The following CYP2S1 variants were observed in gnomAD, a reference collection of about 807,000 sequenced individuals.
CYP2S1 encodes cytochrome P450 2S1.
Under a neutral mutation model 43.5 loss-of-function variants are expected in CYP2S1, and 32 were observed. The ratio of observed to expected loss-of-function variants is 0.74; its 90% CI spans 0.56 to 0.99. The LOEUF is 0.99. Among genes scored for constraint, CYP2S1 ranks in the 50% least tolerant of loss-of-function variants. CYP2S1 has a pLI of 0.00. For synonymous variants in CYP2S1, 283 were observed against 302.9 expected (o/e 0.93, Z 0.68); for missense variants, 575 against 673.9 (o/e 0.85, Z 1.62).
rs74969383 is a variant in CYP2S1 at position 41,206,115 on chromosome 19, C to T, written c.1306+16C>T. 4,576 of 1,613,006 alleles carry T rather than the reference C, an allele frequency of 2.8e-3. 107 individuals carry two copies. The African/African-American group carries it at 0.053, about 19-fold the overall frequency. On this transcript the variant is annotated intron_variant, in intron 8 of 8. Transcript: ENST00000310054. Reference sequence around the variant, plus strand: ...TTCTCCTTAGGTATCTGCTGCAGCCCTGGGTATCACAAGCAGGTGCTGGCG... The same window carrying T: ...TTCTCCTTAGGTATCTGCTGCAGCCTTGGGTATCACAAGCAGGTGCTGGCG...
In CYP2S1 at chr19:41,206,624, C is replaced by T; in HGVS notation, c.*136C>T. ...CACGCCTGCAGTTGTTTTCCGGAGT[C>T]TGTCCCACGGCCCACACGCTCACTT... On this transcript the variant is annotated 3_prime_UTR_variant, in exon 9 of 9. Coordinates refer to ENST00000310054, the MANE Select transcript of CYP2S1 (RefSeq NM_030622.8). The T allele has an allele frequency of 8.9e-7, 1 of 1,117,714 alleles. No individual in the cohort carries two copies. Among genetic ancestry groups the T allele is most frequent in the Non-Finnish European group, 1.4e-6 (1 of 738,738 alleles). The allele number at this position is 1,117,714 out of a possible 1,614,324, so 69.2% of individuals were successfully genotyped here.
chr19:41,202,492 T>A (rs1320408841), intron 6 of CYP2S1, among the ~76,000 whole-genome samples: 1 of 151,904 alleles, frequency 6.6e-6, no homozygotes, highest in Non-Finnish European at 1.5e-5. Flanking sequence ...CTATGGGAAT[T>A]AAGAAAGTAT....
chr19:41,196,136 G>A (rs957164455), intron 2 of CYP2S1, among the ~76,000 whole-genome samples: 3 of 152,100 alleles, frequency 2.0e-5, no homozygotes, highest in Admixed American at 6.5e-5. Flanking sequence ...TGACATTTAA[G>A]CCGGGACATG....
intron 7 of CYP2S1, among the ~76,000 whole-genome samples, chr19:41,204,503 A>T (rs1294345520): frequency 6.6e-6 from 1 of 151,914 alleles, no homozygotes; most frequent in African/African-American, 2.4e-5. Context: ...TTATGCAAGC[A>T]GCTCCCTCCT....
At chr19:41,195,416 C>T (rs2033398909) in intron 2 of CYP2S1, among the ~76,000 whole-genome samples, 1 of 152,110 alleles carries the variant, frequency 6.6e-6, no homozygotes, top group South Asian at 2.1e-4. Flanking sequence ...GTGCTGCTTC[C>T]CCAGCGCACC....
At position 41,202,303 on chromosome 19, in the gene CYP2S1, C is replaced by T. The variant is rs548059542; in HGVS notation, c.976+931C>T. On this transcript the variant is annotated intron_variant, in intron 6 of 8. Coordinates refer to ENST00000310054, the MANE Select transcript of CYP2S1 (RefSeq NM_030622.8). Reference sequence around the variant, plus strand: ...GCACCCAGCCCAACTCTAGCATTTTCGGGTCAGGCAGCTGCTGTGGGCCAT... The same window carrying T: ...GCACCCAGCCCAACTCTAGCATTTTTGGGTCAGGCAGCTGCTGTGGGCCAT... 5.9e-4 allele frequency among the ~76,000 whole-genome samples: 90 copies of T among 152,132 alleles called. 1 individual carries two copies. The highest frequency in any genetic ancestry group is 2.1e-3 in the African/African-American group (86 of 41,550).
intron 5 of CYP2S1, among the ~76,000 whole-genome samples, 186 bp downstream of exon 5, chr19:41,199,074 G>T (rs1801154547): frequency 6.6e-6 from 1 of 152,064 alleles, no homozygotes; most frequent in Non-Finnish European, 1.5e-5. Flanking sequence ...GTCCCTTTCA[G>T]GGCGTTGCTC....
chr19:41,198,432 A>G lies in CYP2S1; in HGVS notation c.494-30A>G, dbSNP rs764881934. The G allele has an allele frequency of 8.1e-6, 13 of 1,609,350 alleles. No homozygotes were observed. In the East Asian group the frequency reaches 2.7e-4, roughly 33 times the overall value. On this transcript the variant is annotated intron_variant, in intron 3 of 8. Transcript: ENST00000310054. The surrounding 1 kb of genome is among the most constrained non-coding windows in gnomAD (Gnocchi z 4.9). Reference sequence around the variant, plus strand: ...GCTCCCCTCTGCCTGGCTCCATCACAGCCTACCTCCCTGCCCCCATTCCCC... The same window carrying G: ...GCTCCCCTCTGCCTGGCTCCATCACGGCCTACCTCCCTGCCCCCATTCCCC...
chr19:41,198,825 G>T lies in CYP2S1; in HGVS notation c.771G>T (p.Gly257=). 6.8e-6 allele frequency: 11 copies of T among 1,614,196 alleles called. No individual in the cohort carries two copies. The highest frequency in any genetic ancestry group is 7.6e-6 in the Non-Finnish European group (9 of 1,180,038). The part of the protein sequence containing the change: ...FTVRQVQQHQ[G]NLDASGPARD... ...TCCGGCAGGTGCAGCAGCACCAGGG[G>T]AACCTGGATGCTTCGGGCCCCGCAC... Residue 257 remains glycine (G), a synonymous_variant, in exon 5 of 9, where the codon GGG becomes GGT. Transcript: ENST00000310054. The surrounding 1 kb of genome is among the most constrained non-coding windows in gnomAD (Gnocchi z 4.9).
chr19:41,198,374 C>T lies in CYP2S1; in HGVS notation c.494-88C>T, dbSNP rs559114133. The T allele has an allele frequency of 1.2e-5, 19 of 1,534,518 alleles. No homozygotes were observed. The South Asian group carries it at 1.7e-4, about 14-fold the overall frequency. On this transcript the variant is annotated intron_variant, in intron 3 of 8. Transcript: ENST00000310054. This position sits in a 1 kb window ranked among gnomAD's most constrained non-coding sequence, Gnocchi z 4.9. The stretch of plus-strand genomic sequence containing the variant: ...TGTCCATCCATCTTTCCCTGCCTCC[C>T]TGTCTCTCTCTGGTTGGGTTCAGCT...
chr19:41,199,717 G>T (rs1423359113), intron 5 of CYP2S1, among the ~76,000 whole-genome samples: 1 of 151,910 alleles, frequency 6.6e-6, no homozygotes, highest in Non-Finnish European at 1.5e-5. Flanking sequence ...GTAATCTCAG[G>T]ACTTTGGGAG....
chr19:41,203,357 C>G, intron 6 of CYP2S1, 93 bp from the exon 7 acceptor site: 3 of 1,394,524 alleles, frequency 2.2e-6, no homozygotes, highest in South Asian at 3.2e-5. Context: ...GTCAGCCTCA[C>G]CCCAAACTAC....
chr19:41,194,157 C>T (rs2033378994), intron 1 of CYP2S1, among the ~76,000 whole-genome samples: 1 of 151,982 alleles, frequency 6.6e-6, no homozygotes, highest in African/African-American at 2.4e-5. Context: ...GGCGGATACT[C>T]AGCAGTGTCT....
intron 7 of CYP2S1, among the ~76,000 whole-genome samples, chr19:41,205,350 CTTTCTTTCTTTCTTTCTTTCTTTCTT>C (rs1421930028): frequency 1.2e-3 from 122 of 105,054 alleles, no homozygotes; most frequent in African/African-American, 7.9e-3. Flanking sequence ...TTTTTTCTTT[CTTTCTTTCTTTCTTTCTTTCTTTCTT>C]TCTTTCTCTC....
chr19:41,200,939 A>T (rs1256462385), intron 5 of CYP2S1, among the ~76,000 whole-genome samples: 1 of 151,976 alleles, frequency 6.6e-6, no homozygotes, highest in Non-Finnish European at 1.5e-5. Flanking sequence ...TTAGCCAGGC[A>T]TGGTGGTGCG....
intron 7 of CYP2S1, among the ~76,000 whole-genome samples, chr19:41,203,969 C>G (rs781328254): frequency 6.6e-6 from 1 of 152,096 alleles, no homozygotes. Flanking sequence ...TCAAGTGATT[C>G]TCCTGCCTCA....
chr19:41,203,338 T>C lies in CYP2S1; in HGVS notation c.977-112T>C. 2.4e-6 allele frequency: 3 copies of C among 1,258,044 alleles called. No homozygotes were observed. In the South Asian group the frequency reaches 5.2e-5, roughly 22 times the overall value. 77.9% of individuals were successfully genotyped at this position (1,258,044 alleles called of 1,614,324 possible). A position where few individuals can be genotyped will look rare whatever the true frequency, so the allele number is the denominator to read the frequency against. On this transcript the variant is annotated intron_variant, in intron 6 of 8. Coordinates refer to ENST00000310054, the MANE Select transcript of CYP2S1 (RefSeq NM_030622.8). ...TCAGTGAGGGCTGGGGGACCACTCCTCCCCACCTGTCAGCCTCACCCCAAA... is the reference window on the plus strand; with the variant it reads ...TCAGTGAGGGCTGGGGGACCACTCCCCCCCACCTGTCAGCCTCACCCCAAA...
At position 41,207,262 on chromosome 19, in the gene CYP2S1, G is replaced by T. The variant is rs908620868; in HGVS notation, c.*774G>T. Reference sequence around the variant, plus strand: ...ATGCACAGAGACTTTGGACATACGAGGACCCTCAGACCGGAGGAACACCTG... The same window carrying T: ...ATGCACAGAGACTTTGGACATACGATGACCCTCAGACCGGAGGAACACCTG... On this transcript the variant is annotated 3_prime_UTR_variant, in exon 9 of 9. Coordinates refer to ENST00000310054, the MANE Select transcript of CYP2S1 (RefSeq NM_030622.8). 2 of 214,544 alleles carry T rather than the reference G, an allele frequency of 9.3e-6. No individual in the cohort carries two copies. The highest frequency in any genetic ancestry group is 4.6e-5 in the African/African-American group (2 of 43,850). 13.3% of individuals were successfully genotyped at this position (214,544 alleles called of 1,614,324 possible).
intron 7 of CYP2S1, among the ~76,000 whole-genome samples, chr19:41,205,370 CTTTCTTTCTT>C (rs2033555074): frequency 1.4e-5 from 1 of 72,662 alleles, no homozygotes; most frequent in Non-Finnish European, 2.5e-5. Flanking sequence ...TTCTTTCTTT[CTTTCTTTCTT>C]TCTCTCTCTC....
Sources: allele counts gnomAD v4.1 joint callset (sites outside exome capture counted in the v4.1 genomes callset), GRCh38; gene constraint gnomAD v4.1.1; non-coding constraint Gnocchi (gnomAD v3.1); transcripts MANE v1.5; gene names NCBI Gene and HGNC (gene_info 2026-07-23, HGNC 2026-07-21).